Variants in PTPRT observed in about 807,000 individuals in gnomAD.
PTPRT encodes receptor-type tyrosine-protein phosphatase T.
In PTPRT, 56 loss-of-function variants were observed where a neutral mutation model predicts 176.8. That is an observed-to-expected ratio of 0.32 (90% CI 0.26 to 0.40). The LOEUF (loss-of-function observed/expected upper bound fraction) is 0.40. Among genes scored for constraint, PTPRT ranks in the 10% least tolerant of loss-of-function variants. The probability of loss-of-function intolerance (pLI) is 1.00; values close to 1 mark genes in which losing one functional copy is unlikely to be tolerated. For synonymous variants in PTPRT, 783 were observed against 739.0 expected, an observed-to-expected ratio of 1.06 and a Z score of -0.96; for missense variants, 1,540 against 1,908.2, an observed-to-expected ratio of 0.81 and a Z score of 3.60.
At chr20:42,858,838 C>G (rs1205317666) in intron 2 of PTPRT, among the ~76,000 whole-genome samples, 1 of 152,148 alleles carries the variant, frequency 6.6e-6, no homozygotes, top group Non-Finnish European at 1.5e-5. Context: ...AGGCCACAGA[C>G]AAGATAGCCA....
chr20:42,455,232 T>C (rs964574003), intron 8 of PTPRT, among the ~76,000 whole-genome samples: 10 of 152,178 alleles, frequency 6.6e-5, no homozygotes, highest in Non-Finnish European at 1.3e-4. Context: ...TTAAATACTT[T>C]CTCTTTCTGT....
intron 17 of PTPRT, among the ~76,000 whole-genome samples, chr20:42,150,763 G>A (rs1176627498): frequency 6.6e-6 from 1 of 152,040 alleles, no homozygotes; most frequent in East Asian, 1.9e-4. Flanking sequence ...GGGTGGGGAA[G>A]GATTTAACTA....
chr20:42,449,278 G>A (rs1434265421), intron 8 of PTPRT, among the ~76,000 whole-genome samples: 1 of 152,190 alleles, frequency 6.6e-6, no homozygotes, highest in East Asian at 1.9e-4. Context: ...AATGACCTAC[G>A]CCAGCATTTT....
intron 1 of PTPRT, among the ~76,000 whole-genome samples, chr20:42,961,579 G>A (rs1981986836): frequency 6.6e-6 from 1 of 152,166 alleles, no homozygotes. Flanking sequence ...GATGTGGGGT[G>A]TGCACTCCTT....
intron 16 of PTPRT, among the ~76,000 whole-genome samples, chr20:42,172,426 A>G (rs1359902846): frequency 6.6e-6 from 1 of 152,224 alleles, no homozygotes; most frequent in Non-Finnish European, 1.5e-5. Flanking sequence ...AGACTGGAGA[A>G]TGATTAATGA....
intron 6 of PTPRT, 28 bp from the exon 7 acceptor site, chr20:42,678,187 G>A (rs1460231910): frequency 6.3e-7 from 1 of 1,595,248 alleles, no homozygotes; most frequent in Admixed American, 1.7e-5. Flanking sequence ...AAAAAGGACT[G>A]TCAGATTCAA....
At chr20:42,631,707 A>G (rs904603434) in intron 7 of PTPRT, among the ~76,000 whole-genome samples, 5 of 152,170 alleles carry the variant, frequency 3.3e-5, no homozygotes, top group African/African-American at 1.2e-4. Flanking sequence ...AAGGAGCCCA[A>G]TCTTGGGCAA....
intron 6 of PTPRT, among the ~76,000 whole-genome samples, chr20:42,726,436 T>C (rs1227176237): frequency 6.6e-6 from 1 of 152,190 alleles, no homozygotes; most frequent in African/African-American, 2.4e-5. Flanking sequence ...CCTACGGCCA[T>C]GGAGTGGATG....
At position 42,832,903 on chromosome 20, in the gene PTPRT, A is replaced by C. The variant is rs577869741; in HGVS notation, c.215-41437T>G. The stretch of plus-strand genomic sequence containing the variant: ...AGGATTGTTTGAGCCGAGGAGTTTG[A>C]GATCAGCCTGGGCAATAAAAAACTG... On this transcript the variant is annotated intron_variant, in intron 2 of 30. Transcript: ENST00000373187. Among the ~76,000 whole-genome samples, 21 of 151,254 alleles carry C rather than the reference A, an allele frequency of 1.4e-4. No individual in the cohort carries two copies. The East Asian group carries it at 4.1e-3, about 30-fold the overall frequency.
chr20:42,884,738 G>A (rs370502074), intron 2 of PTPRT, among the ~76,000 whole-genome samples: 92 of 152,274 alleles, frequency 6.0e-4, no homozygotes, highest in African/African-American at 1.1e-3. Context: ...CAAGACAGGT[G>A]TGGGTTAAAG....
At chr20:42,670,358 C>A (rs2075391909) in intron 7 of PTPRT, among the ~76,000 whole-genome samples, 1 of 152,158 alleles carries the variant, frequency 6.6e-6, no homozygotes, top group Non-Finnish European at 1.5e-5. Flanking sequence ...GATGGTGTAA[C>A]ACATCCCGGT....
intron 1 of PTPRT, among the ~76,000 whole-genome samples, chr20:43,000,686 A>G (rs1481818771): frequency 6.6e-6 from 1 of 152,226 alleles, no homozygotes. Flanking sequence ...TGACAGACTC[A>G]GAAAAAGCAA....
chr20:42,370,777 TA>T (rs2058576632), intron 9 of PTPRT, among the ~76,000 whole-genome samples: 1 of 152,212 alleles, frequency 6.6e-6, no homozygotes, highest in Non-Finnish European at 1.5e-5. Context: ...GGTCTTAGGA[TA>T]AAAGCAACCA....
intron 1 of PTPRT, among the ~76,000 whole-genome samples, chr20:43,055,958 C>T (rs1229205104): frequency 1.3e-5 from 2 of 152,090 alleles, no homozygotes; most frequent in East Asian, 1.9e-4. Flanking sequence ...TCCATGTGTC[C>T]GAAACCAGTA....
At chr20:42,626,631 T>G (rs2145874797) in intron 7 of PTPRT, among the ~76,000 whole-genome samples, 1 of 152,272 alleles carries the variant, frequency 6.6e-6, no homozygotes, top group African/African-American at 2.4e-5. Context: ...GTTGCAAGAT[T>G]CCAAGAAGTC....
At chr20:42,668,074 A>G (rs922553020) in intron 7 of PTPRT, among the ~76,000 whole-genome samples, 1 of 152,152 alleles carries the variant, frequency 6.6e-6, no homozygotes, top group Non-Finnish European at 1.5e-5. Context: ...GCTGTGTTGG[A>G]AGTGTCTGGT....
At chr20:42,055,415 T>A in the PTPRT span, among the ~76,000 whole-genome samples, 1 of 152,228 alleles carries the variant, frequency 6.6e-6, no homozygotes, top group South Asian at 2.1e-4. Flanking sequence ...GGTCTAGGTT[T>A]CAAGATTCTC....
intron 16 of PTPRT, among the ~76,000 whole-genome samples, chr20:42,193,790 A>G (rs1991091048): frequency 6.6e-6 from 1 of 152,226 alleles, no homozygotes; most frequent in African/African-American, 2.4e-5. Flanking sequence ...TTTAGATTAC[A>G]TTTTAATGTA....
rs1219633099 is a variant in PTPRT, at chr20:42,353,147, C to T, written c.1561-862G>A. 3.3e-5 allele frequency among the ~76,000 whole-genome samples: 5 copies of T among 152,148 alleles called. No individual in the cohort carries two copies. In the South Asian group the frequency reaches 6.2e-4, roughly 19 times the overall value. On this transcript the variant is annotated intron_variant, in intron 9 of 30. Transcript: ENST00000373187. The stretch of plus-strand genomic sequence containing the variant: ...CTGCTTTTCATAAGTGCAGTAGCCC[C>T]GTGAGGCCAGTGGTCACCATGCTGG...
Sources: allele counts gnomAD v4.1 joint callset (sites outside exome capture counted in the v4.1 genomes callset), GRCh38; gene constraint gnomAD v4.1.1; transcripts MANE v1.5; gene names NCBI Gene and HGNC (gene_info 2026-07-23, HGNC 2026-07-21).